Variants in CECR2 observed in about 807,000 individuals in gnomAD.
The protein encoded by CECR2 is chromatin remodeling regulator CECR2.
Under a neutral mutation model 154.5 loss-of-function variants are expected in CECR2, and 30 were observed. The ratio of observed to expected loss-of-function variants is 0.19; its 90% CI spans 0.15 to 0.26. The LOEUF (loss-of-function observed/expected upper bound fraction) is 0.26, where lower values mean the gene tolerates loss of function less well. Among genes scored for constraint, CECR2 ranks in the 10% least tolerant of loss-of-function variants. The pLI is 1.00. For missense variants in CECR2, 1,743 were observed against 1,829.3 expected (o/e 0.95, Z 0.86); for synonymous variants, 725 against 683.7 (o/e 1.06, Z -0.94).
intron 1 of CECR2, among the ~76,000 whole-genome samples, chr22:17,438,542 C>T (rs896854178): frequency 6.6e-6 from 1 of 152,222 alleles, no homozygotes; most frequent in Non-Finnish European, 1.5e-5. Flanking sequence ...ACCCACCTGC[C>T]CGCAGGCCGC....
chr22:17,404,128 G>T (rs1036627891), intron 1 of CECR2, among the ~76,000 whole-genome samples: 57 of 151,244 alleles, frequency 3.8e-4, no homozygotes, highest in Non-Finnish European at 8.8e-5. Context: ...GCGTCATGTT[G>T]CACGTCTGTA....
At position 17,474,071 on chromosome 22, in the gene CECR2, C is replaced by T. The variant is rs183963033; in HGVS notation, c.127-3517C>T. On this transcript the variant is annotated intron_variant, in intron 1 of 18. Transcript: ENST00000262608. Reference sequence around the variant, plus strand: ...ACTAACTGGGGGGGGTTTATAGTTACTAAAGGGAAAGAGAAAAGGCTTTAC... The same window carrying T: ...ACTAACTGGGGGGGGTTTATAGTTATTAAAGGGAAAGAGAAAAGGCTTTAC... Among the ~76,000 whole-genome samples, 11 of 151,590 alleles carry T rather than the reference C, an allele frequency of 7.3e-5. No individual in the cohort carries two copies. The East Asian group carries it at 1.9e-3, about 27-fold the overall frequency.
intron 1 of CECR2, among the ~76,000 whole-genome samples, chr22:17,449,593 C>T (rs958799086): frequency 2.0e-5 from 3 of 150,208 alleles, no homozygotes; most frequent in Non-Finnish European, 3.0e-5. Context: ...AGGTTCACGC[C>T]ATTCTCCTGC....
At chr22:17,540,865 C>A in intron 14 of CECR2, 65 bp downstream of exon 14, 1 of 1,453,794 alleles carries the variant, frequency 6.9e-7, no homozygotes, top group Non-Finnish European at 9.1e-7. Context: ...AATGTAGAGG[C>A]CATTCAGTTA....
At chr22:17,392,227 G>C (rs1194356355) in intron 1 of CECR2, among the ~76,000 whole-genome samples, 3 of 152,146 alleles carry the variant, frequency 2.0e-5, no homozygotes, top group African/African-American at 7.2e-5. Context: ...TTGGAGACCA[G>C]CCTGGGAACA....
rs771720298 is a variant in CECR2 at position 17,524,118 on chromosome 22, G to A, written c.955G>A (p.Glu319Lys). ...HLSIKPVKQE[E>K]TPVLTRIEKQ... is the part of the protein sequence containing the mutation. ...GGATGTGCTCATTGGCTCCTCACAG[G>A]AGACTCCTGTGCTGACCAGAATAGA... Residue 319 changes from glutamate (E) to lysine (K), a missense_variant and splice_region_variant, in exon 9 of 19, where the codon GAG (glutamate) becomes AAG (lysine). Transcript: ENST00000262608. 3 of 1,582,498 alleles carry A rather than the reference G, an allele frequency of 1.9e-6. No homozygotes were observed. The African/African-American group carries it at 4.0e-5, about 21-fold the overall frequency.
chr22:17,389,968 A>T (rs1489622295), intron 1 of CECR2, among the ~76,000 whole-genome samples: 11 of 152,218 alleles, frequency 7.2e-5, no homozygotes, highest in Non-Finnish European at 1.6e-4. Context: ...TATTAAAATC[A>T]GGAACTTAAT....
chr22:17,483,412 A>T (rs2055363465), intron 2 of CECR2, among the ~76,000 whole-genome samples: 1 of 152,082 alleles, frequency 6.6e-6, no homozygotes, highest in Non-Finnish European at 1.5e-5. Context: ...AATAAAAATA[A>T]ATGAATTAGC....
intron 1 of CECR2, among the ~76,000 whole-genome samples, chr22:17,457,632 C>T (rs1186689765): frequency 1.3e-5 from 2 of 152,314 alleles, no homozygotes; most frequent in East Asian, 1.9e-4. Flanking sequence ...TAAGTATAAA[C>T]ATCCATTTAC....
chr22:17,412,019 G>GT (rs1214602002), intron 1 of CECR2, among the ~76,000 whole-genome samples: 2 of 152,152 alleles, frequency 1.3e-5, no homozygotes, highest in African/African-American at 2.4e-5. Context: ...ACATCTCTGT[G>GT]TAAGTGTATA....
At chr22:17,438,033 T>C (rs1290001918) in intron 1 of CECR2, among the ~76,000 whole-genome samples, 1 of 152,214 alleles carries the variant, frequency 6.6e-6, no homozygotes, top group African/African-American at 2.4e-5. Flanking sequence ...AGTATTTTAT[T>C]ATGAAAACTT....
chr22:17,363,730 G>C (rs2062988144), intron 1 of CECR2, among the ~76,000 whole-genome samples: 2 of 152,092 alleles, frequency 1.3e-5, no homozygotes. Context: ...TCACCTCTTG[G>C]GTTCAAGCAA....
Position 17,548,561 on chromosome 22 carries a change from C to T in CECR2, c.3274C>T (p.Pro1092Ser). The change falls in exon 17 of 19, where the codon CCA (proline) becomes TCA (serine). Residue 1092 changes from proline (P) to serine (S), a missense_variant. Physicochemically the swap from Pro to Ser is moderately conservative, Grantham distance 74. This residue lies in a region of CECR2 where 1,250 missense variants were observed against 1,192.1 expected (regional missense o/e 1.05). Coordinates refer to ENST00000262608, the MANE Select transcript of CECR2 (RefSeq NM_001290047.2). ...PRGRTLQETM[P>S]CTGQNAATPP... is the part of the protein sequence containing the mutation. ...AGGCAGAACGTTGCAGGAAACCATG[C>T]CATGCACGGGACAGAACGCAGCGAC... 2 of 1,613,710 alleles carry T rather than the reference C, an allele frequency of 1.2e-6. No individual in the cohort carries two copies. Among genetic ancestry groups the T allele is most frequent in the Non-Finnish European group, 1.7e-6 (2 of 1,179,774 alleles).
chr22:17,429,262 G>A (rs764739166), intron 1 of CECR2, among the ~76,000 whole-genome samples: 1 of 151,982 alleles, frequency 6.6e-6, no homozygotes, highest in African/African-American at 2.4e-5. Context: ...AATAGATGAA[G>A]GGAACTAATA....
intron 7 of CECR2, among the ~76,000 whole-genome samples, chr22:17,506,703 G>A (rs557395642): frequency 2.6e-5 from 4 of 152,172 alleles, no homozygotes; most frequent in Admixed American, 2.6e-4. Context: ...ACTCAGGGTG[G>A]AGTGCAGTGG....
chr22:17,503,034 T>C, intron 5 of CECR2, 48 bp from the exon 6 acceptor site: 2 of 1,576,300 alleles, frequency 1.3e-6, no homozygotes, highest in Non-Finnish European at 1.7e-6. Flanking sequence ...CAGAACAATT[T>C]TGGACCTGTC....
At chr22:17,368,659 T>C (rs1041123803), upstream of CECR2, among the ~76,000 whole-genome samples, 6 of 152,144 alleles carry the variant, frequency 3.9e-5, no homozygotes, top group Non-Finnish European at 8.8e-5. Context: ...CGATCTCCTC[T>C]GCCCCATCCC....
chr22:17,467,372 C>T (rs1433562633), intron 1 of CECR2, among the ~76,000 whole-genome samples: 1 of 150,878 alleles, frequency 6.6e-6, no homozygotes, highest in East Asian at 1.9e-4. Context: ...GCCATGAAAC[C>T]CTTAGGACAG....
chr22:17,410,932 A>T (rs749646684), intron 1 of CECR2, among the ~76,000 whole-genome samples: 14 of 152,186 alleles, frequency 9.2e-5, no homozygotes, highest in Non-Finnish European at 1.6e-4. Flanking sequence ...GGTTTAACTC[A>T]TAGTTTTACA....
Sources: allele counts gnomAD v4.1 joint callset (sites outside exome capture counted in the v4.1 genomes callset), GRCh38; gene constraint gnomAD v4.1.1; regional missense constraint gnomAD v4.1.1; transcripts MANE v1.5; gene names NCBI Gene and HGNC (gene_info 2026-07-23, HGNC 2026-07-21).